HOOK3: variants seen among roughly 807,000 people sequenced by gnomAD.
HOOK3 encodes protein Hook homolog 3.
HOOK3 carries 24 observed loss-of-function variants against 116.3 expected under a neutral mutation model. The ratio of observed to expected loss-of-function variants is 0.21; its 90% CI spans 0.15 to 0.29. HOOK3 has a LOEUF of 0.29. Ranked by LOEUF, HOOK3 falls within the 10% of genes least tolerant of loss-of-function variation. The pLI is 1.00. For synonymous variants in HOOK3, 275 were observed against 283.0 expected (o/e 0.97, Z 0.28); for missense variants, 632 against 830.2 (o/e 0.76, Z 2.93).
At chr8:42,937,988 G>A (rs1416871371) in intron 4 of HOOK3, among the ~76,000 whole-genome samples, 1 of 152,112 alleles carries the variant, frequency 6.6e-6, no homozygotes, top group Non-Finnish European at 1.5e-5. Flanking sequence ...TGACAGTGGG[G>A]TGTTAAAGTC....
chr8:42,966,075 T>C lies in HOOK3; in HGVS notation c.780-398T>C, dbSNP rs74303709. On this transcript the variant is annotated intron_variant, in intron 9 of 21. Transcript: ENST00000307602. ...TATAAAACAGTGCCACTCTTCTCACTTTTTTTGTTTTAGAAAATAGTTATT... is the reference window on the plus strand; with the variant it reads ...TATAAAACAGTGCCACTCTTCTCACCTTTTTTGTTTTAGAAAATAGTTATT... Among the ~76,000 whole-genome samples the C allele has an allele frequency of 5.9e-5, 9 of 152,254 alleles. No homozygotes were observed. In the South Asian group the frequency reaches 1.0e-3, roughly 18 times the overall value.
intron 3 of HOOK3, among the ~76,000 whole-genome samples, chr8:42,928,691 ACTT>A (rs905582033): frequency 1.3e-5 from 2 of 152,146 alleles, no homozygotes; most frequent in Non-Finnish European, 2.9e-5. Context: ...TCAGGACTGA[ACTT>A]CTTATTCTCT....
chr8:43,005,707 T>G (rs189250955), intron 17 of HOOK3, among the ~76,000 whole-genome samples: 68 of 152,094 alleles, frequency 4.5e-4, no homozygotes, highest in African/African-American at 1.6e-3. Flanking sequence ...TATTTATTTA[T>G]TTATTTTGAG....
intron 15 of HOOK3, among the ~76,000 whole-genome samples, chr8:42,992,710 C>CAAA (rs35064772): frequency 0.1 from 5,817 of 56,414 alleles, 255 homozygotes; most frequent in African/African-American, 0.14. Context: ...GACTCCATCT[C>CAAA]AAAAAAAAAA....
At chr8:43,013,214 C>A in intron 20 of HOOK3, 59 bp downstream of exon 20, 2 of 1,438,472 alleles carry the variant, frequency 1.4e-6, no homozygotes, top group Non-Finnish European at 1.9e-6. Flanking sequence ...TTTTGGGAGC[C>A]TTGTTATATT....
chr8:43,007,290 C>T (rs957629954), intron 17 of HOOK3, among the ~76,000 whole-genome samples: 1 of 152,062 alleles, frequency 6.6e-6, no homozygotes, highest in Non-Finnish European at 1.5e-5. Context: ...ACCTAGGTGA[C>T]CCGGATCGGT....
In HOOK3 at chr8:43,020,465, C is replaced by T. The variant is rs1030823643; in HGVS notation, c.*1967C>T. ...GTGGTGCCTCACGCCTGCAATCTCA[C>T]CATTTGGGAGACCTAGGTGGGGGTG... On this transcript the variant is annotated 3_prime_UTR_variant, in exon 22 of 22. Coordinates refer to ENST00000307602, the MANE Select transcript of HOOK3 (RefSeq NM_032410.4). 5.4e-6 allele frequency: 1 copy of T among 184,776 alleles called. No homozygotes were observed. Among genetic ancestry groups the T allele is most frequent in the East Asian group, 8.8e-5 (1 of 11,394 alleles). 11.4% of individuals were successfully genotyped at this position (184,776 alleles called of 1,614,324 possible). A position where few individuals can be genotyped will look rare whatever the true frequency, so the allele number is the denominator to read the frequency against.
chr8:42,940,135 C>T (rs527483624), intron 4 of HOOK3, among the ~76,000 whole-genome samples: 10 of 152,332 alleles, frequency 6.6e-5, no homozygotes, highest in South Asian at 2.1e-4. Flanking sequence ...GGCAGGCCGC[C>T]GGGAGGTGGA....
rs768656285 is a variant in HOOK3 at position 43,007,908 on chromosome 8, G to A, written c.1717G>A (p.Glu573Lys). Residue 573 changes from glutamate (E) to lysine (K), a missense_variant, in exon 18 of 22, where the codon GAG becomes AAG. Physicochemically the swap from Glu to Lys is moderately conservative, Grantham distance 56. Transcript: ENST00000307602. Reference sequence around the variant, plus strand: ...GAAGAGAGCCATTATTGAAGATCTCGAGCCAAGATTTAACAACAGCTGTGA... The same window carrying A: ...GAAGAGAGCCATTATTGAAGATCTCAAGCCAAGATTTAACAACAGCTGTGA... ...QKKRAIIEDL[E>K]PRFNNSSLKI... 5.6e-6 allele frequency: 9 copies of A among 1,595,170 alleles called. No homozygotes were observed. The highest frequency in any genetic ancestry group is 1.7e-4 in the Middle Eastern group (1 of 5,980).
intron 9 of HOOK3, among the ~76,000 whole-genome samples, chr8:42,965,369 A>T (rs998371194): frequency 6.6e-6 from 1 of 152,142 alleles, no homozygotes; most frequent in African/African-American, 2.4e-5. Context: ...AGATAGACTT[A>T]TTTAAAGGGG....
chr8:42,941,139 AT>A (rs1337445843), intron 4 of HOOK3, among the ~76,000 whole-genome samples: 6 of 151,412 alleles, frequency 4.0e-5, no homozygotes, highest in Non-Finnish European at 8.9e-5. Context: ...TAGAGACGGG[AT>A]TTTACTATGT....
intron 15 of HOOK3, among the ~76,000 whole-genome samples, chr8:42,987,405 A>T (rs1809068193): frequency 6.6e-6 from 1 of 152,214 alleles, no homozygotes; most frequent in Non-Finnish European, 1.5e-5. Flanking sequence ...GAGGATTTTT[A>T]AAAATCCGAT....
chr8:42,943,195 A>G, intron 4 of HOOK3, 118 bp from the exon 5 acceptor site: 1 of 523,454 alleles, frequency 1.9e-6, no homozygotes, highest in Non-Finnish European at 3.0e-6. Context: ...AGTGAAATGG[A>G]ACATAATCAC....
intron 1 of HOOK3, among the ~76,000 whole-genome samples, chr8:42,902,070 T>G (rs1472851530): frequency 2.6e-5 from 4 of 152,186 alleles, no homozygotes; most frequent in East Asian, 3.9e-4. Context: ...TTGAGTTGCT[T>G]CTTCTGATTG....
At chr8:42,944,473 AT>A (rs35501083) in intron 5 of HOOK3, among the ~76,000 whole-genome samples, 1 of 152,100 alleles carries the variant, frequency 6.6e-6, no homozygotes, top group African/African-American at 2.4e-5. Flanking sequence ...GCAAGAAAAC[AT>A]TGAAAAACCT....
intron 14 of HOOK3, among the ~76,000 whole-genome samples, chr8:42,984,676 C>T (rs556464793): frequency 3.3e-5 from 5 of 152,078 alleles, no homozygotes; most frequent in African/African-American, 1.2e-4. Flanking sequence ...CCAAGGCAGG[C>T]GGATCACTTG....
chr8:42,899,697 G>A (rs1452875648), intron 1 of HOOK3, among the ~76,000 whole-genome samples: 1 of 152,184 alleles, frequency 6.6e-6, no homozygotes, highest in South Asian at 2.1e-4. Context: ...CTTCTAGTCA[G>A]TTTGGTTGTG....
At chr8:42,986,322 G>A (rs962016791) in intron 14 of HOOK3, among the ~76,000 whole-genome samples, 3 of 152,098 alleles carry the variant, frequency 2.0e-5, no homozygotes, top group Non-Finnish European at 4.4e-5. Context: ...AGCATCATTA[G>A]AGATTATGTT....
intron 21 of HOOK3, among the ~76,000 whole-genome samples, chr8:43,013,773 T>G (rs1306546866): frequency 6.6e-6 from 1 of 152,202 alleles, no homozygotes; most frequent in Non-Finnish European, 1.5e-5. Flanking sequence ...GAGGGTAGTT[T>G]ATCTCATGGG....
Sources: gnomAD v4.1 joint callset for allele counts (sites outside exome capture counted in the v4.1 genomes callset) on GRCh38, gnomAD v4.1.1 for gene constraint, MANE v1.5 for transcripts, NCBI Gene and HGNC (gene_info 2026-07-23, HGNC 2026-07-21) for gene names.